CTNNA1: variants seen among roughly 807,000 people sequenced by gnomAD.
CTNNA1 encodes catenin alpha 1, also known as catenin alpha-1.
Under a neutral mutation model 98.4 loss-of-function variants are expected in CTNNA1, and 37 were observed. That is an observed-to-expected ratio of 0.38 (90% CI 0.29 to 0.49). The LOEUF (loss-of-function observed/expected upper bound fraction) is 0.49, where lower values mean the gene tolerates loss of function less well. CTNNA1 is among the 20% of genes least tolerant of loss of function. The pLI is 0.95. For synonymous variants in CTNNA1, 404 were observed against 413.2 expected, an observed-to-expected ratio of 0.98 and a Z score of 0.27; for missense variants, 761 against 1,147.2, an observed-to-expected ratio of 0.66 and a Z score of 4.86.
intron 5 of CTNNA1, among the ~76,000 whole-genome samples, chr5:138,819,776 T>TC (rs945157577): frequency 1.3e-4 from 18 of 141,744 alleles, no homozygotes; most frequent in South Asian, 4.8e-4. Context: ...TGGATTTGTG[T>TC]CCCCCCCCAA....
At chr5:138,895,756 A>C (rs1049996200) in intron 9 of CTNNA1, among the ~76,000 whole-genome samples, 1 of 152,182 alleles carries the variant, frequency 6.6e-6, no homozygotes, top group African/African-American at 2.4e-5. Context: ...TGTAGTAGAA[A>C]TTGTACTGAG....
At chr5:138,795,689 C>G (rs994334225) in intron 3 of CTNNA1, among the ~76,000 whole-genome samples, 2 of 151,742 alleles carry the variant, frequency 1.3e-5, no homozygotes, top group South Asian at 2.1e-4. Context: ...AAAAAGATGC[C>G]AAGCTGTTAA....
In CTNNA1 at chr5:138,933,810, C is replaced by T. The variant is rs143248909; in HGVS notation, c.2442C>T (p.Ser814=). The part of the protein sequence containing the change: ...GGELVVSGVD[S]AMSLIQAAKN... ...CCCTGTCTGCCTCGTAGGTGGACAG[C>T]GCCATGTCCCTGATCCAGGCAGCCA... Residue 814 remains serine, a synonymous_variant, in exon 18 of 18, where the codon AGC becomes AGT. Transcript: ENST00000302763. 2.5e-5 allele frequency: 40 copies of T among 1,612,886 alleles called. No individual in the cohort carries two copies. The highest frequency in any genetic ancestry group is 6.6e-5 in the South Asian group (6 of 90,976).
Position 138,824,653 on chromosome 5 carries a change from A to G in CTNNA1, c.712A>G (p.Lys238Glu), listed in dbSNP as rs774201046. The G allele has an allele frequency of 5.0e-6, 8 of 1,614,074 alleles. No homozygotes were observed. The highest frequency in any genetic ancestry group is 1.3e-5 in the African/African-American group (1 of 74,918). ...ACAGCACCCTGATGTCGCAGCCTAT[A>G]AGGCCAACAGGGACCTGATATACAA... ...CLQHPDVAAYKANRDLIYKQL... is the reference protein window; with the variant it reads ...CLQHPDVAAYEANRDLIYKQL... The change falls in exon 6 of 18, where the codon AAG becomes GAG. Residue 238 changes from lysine to glutamate, a missense_variant. Lys to Glu is a moderately conservative substitution (Grantham distance 56, BLOSUM62 1). Transcript: ENST00000302763.
chr5:138,860,086 T>C (rs997382460), intron 7 of CTNNA1, among the ~76,000 whole-genome samples: 1 of 152,186 alleles, frequency 6.6e-6, no homozygotes, highest in Non-Finnish European at 1.5e-5. Flanking sequence ...GGTGAGATCT[T>C]AAAAATATTA....
At chr5:138,849,718 TAGG>T (rs1277265750) in intron 7 of CTNNA1, among the ~76,000 whole-genome samples, 2 of 152,208 alleles carry the variant, frequency 1.3e-5, no homozygotes, top group East Asian at 1.9e-4. Context: ...TAAAGAGTAA[TAGG>T]AGAGCAATTC....
chr5:138,919,465 A>G (rs1035424382), intron 11 of CTNNA1, among the ~76,000 whole-genome samples: 4 of 152,250 alleles, frequency 2.6e-5, no homozygotes, highest in Admixed American at 1.3e-4. Flanking sequence ...TCGTCAAATC[A>G]GTGAAGAAAA....
intron 5 of CTNNA1, among the ~76,000 whole-genome samples, chr5:138,815,282 T>C (rs1759317471): frequency 6.6e-6 from 1 of 152,064 alleles, no homozygotes; most frequent in Non-Finnish European, 1.5e-5. Flanking sequence ...CACAGAAATA[T>C]TGGAATTATT....
chr5:138,777,988 CTTTT>C (rs777826985), intron 1 of CTNNA1, among the ~76,000 whole-genome samples: 4 of 14,856 alleles, frequency 2.7e-4, no homozygotes, highest in African/African-American at 6.0e-4. Flanking sequence ...CTTAATCTGT[CTTTT>C]TTTTTTTTTT....
chr5:138,822,679 T>TTTAATATTTAA (rs1760160235), intron 5 of CTNNA1, among the ~76,000 whole-genome samples: 1 of 152,232 alleles, frequency 6.6e-6, no homozygotes, highest in Non-Finnish European at 1.5e-5. Context: ...TCTTTAAATC[T>TTTAATATTTAA]ACAGGGTCCT....
intron 9 of CTNNA1, among the ~76,000 whole-genome samples, chr5:138,894,960 C>T (rs984900639): frequency 1.4e-4 from 22 of 152,174 alleles, no homozygotes; most frequent in African/African-American, 5.1e-4. Context: ...TCCATTGCAT[C>T]CTCTAGCAGT....
intron 3 of CTNNA1, among the ~76,000 whole-genome samples, chr5:138,788,231 T>A (rs1412355234): frequency 6.6e-6 from 1 of 152,222 alleles, no homozygotes; most frequent in Non-Finnish European, 1.5e-5. Context: ...GCTGGTCTGG[T>A]GACCATTCTG....
intron 1 of CTNNA1, among the ~76,000 whole-genome samples, chr5:138,768,526 G>T (rs1353596824): frequency 2.0e-5 from 3 of 148,074 alleles, no homozygotes; most frequent in Non-Finnish European, 3.0e-5. Context: ...CTCCCAAAGT[G>T]CTGGGATTAC....
At chr5:138,773,369 A>T (rs568623512) in intron 1 of CTNNA1, among the ~76,000 whole-genome samples, 3 of 152,376 alleles carry the variant, frequency 2.0e-5, no homozygotes, top group African/African-American at 7.2e-5. Flanking sequence ...GTTAGGAAAG[A>T]ACTGGTCTTC....
chr5:138,804,663 C>T (rs756445660), intron 3 of CTNNA1, among the ~76,000 whole-genome samples: 12 of 152,140 alleles, frequency 7.9e-5, no homozygotes, highest in Non-Finnish European at 1.6e-4. Flanking sequence ...GATAATGCCA[C>T]ATTTTGTATG....
intron 7 of CTNNA1, among the ~76,000 whole-genome samples, chr5:138,879,630 A>T (rs535490698): frequency 7.9e-5 from 12 of 152,102 alleles, no homozygotes; most frequent in African/African-American, 2.4e-4. Context: ...AATTAAAAAA[A>T]TTTTTTTCGT....
At chr5:138,902,615 T>G (rs943810328) in intron 9 of CTNNA1, among the ~76,000 whole-genome samples, 6 of 152,180 alleles carry the variant, frequency 3.9e-5, no homozygotes, top group African/African-American at 1.2e-4. Flanking sequence ...GAGACGGGGT[T>G]TCACCGTGTT....
At chr5:138,844,148 T>TA (rs905228172) in intron 7 of CTNNA1, among the ~76,000 whole-genome samples, 1 of 152,102 alleles carries the variant, frequency 6.6e-6, no homozygotes, top group Non-Finnish European at 1.5e-5. Context: ...TTTAAAAATT[T>TA]AAAAATTTTT....
At chr5:138,769,098 G>T (rs1053357131) in intron 1 of CTNNA1, among the ~76,000 whole-genome samples, 2 of 151,634 alleles carry the variant, frequency 1.3e-5, no homozygotes, top group African/African-American at 4.8e-5. Context: ...TTCCTATGTT[G>T]CCCAGGCTGG....
Sources: allele counts gnomAD v4.1 joint callset (sites outside exome capture counted in the v4.1 genomes callset), GRCh38; gene constraint gnomAD v4.1.1; transcripts MANE v1.5; gene names NCBI Gene and HGNC (gene_info 2026-07-23, HGNC 2026-07-21).